Variants in KIF19 observed in about 807,000 individuals in gnomAD.
The protein encoded by KIF19 is kinesin-like protein KIF19.
In KIF19, 98 loss-of-function variants were observed where a neutral mutation model predicts 106.6. The ratio of observed to expected loss-of-function variants is 0.92; its 90% confidence interval spans 0.78 to 1.09. The LOEUF (loss-of-function observed/expected upper bound fraction) is 1.09, where lower values mean the gene tolerates loss of function less well. Among genes scored for constraint, KIF19 ranks in the 50% least tolerant of loss-of-function variants. The pLI is 0.00. For missense variants in KIF19, 1,373 were observed against 1,414.3 expected, an observed-to-expected ratio of 0.97 and a Z score of 0.47; for synonymous variants, 516 against 584.2, an observed-to-expected ratio of 0.88 and a Z score of 1.68.
At chr17:74,341,302 G>T (rs552571704) in intron 2 of KIF19, among the ~76,000 whole-genome samples, 1 of 152,306 alleles carries the variant, frequency 6.6e-6, no homozygotes, top group South Asian at 2.1e-4. Context: ...TGGGCAACGA[G>T]CAAGACTCCG....
intron 16 of KIF19, 35 bp from the exon 17 acceptor site, chr17:74,353,459 A>G: frequency 1.3e-6 from 2 of 1,593,568 alleles, no homozygotes; most frequent in Non-Finnish European, 1.7e-6. Flanking sequence ...TGCTGTGTTT[A>G]AGGGTTTCCT....
chr17:74,341,625 C>G (rs1006306588), intron 2 of KIF19, among the ~76,000 whole-genome samples: 4 of 152,192 alleles, frequency 2.6e-5, no homozygotes, highest in African/African-American at 9.6e-5. Flanking sequence ...CATGGGAAAG[C>G]TGAAGAGGAC....
At chr17:74,341,056 C>A (rs541217158) in intron 2 of KIF19, among the ~76,000 whole-genome samples, 1 of 152,112 alleles carries the variant, frequency 6.6e-6, no homozygotes, top group Non-Finnish European at 1.5e-5. Flanking sequence ...TGTGTGAGGC[C>A]GGGTGTGGTG....
rs1417400134 is a variant in KIF19, at chr17:74,347,942, C to G, written c.1047+43C>G. The G allele has an allele frequency of 3.2e-6, 5 of 1,551,988 alleles. No homozygotes were observed. In the African/African-American group the frequency reaches 6.8e-5, roughly 21 times the overall value. On this transcript the variant is annotated intron_variant, in intron 9 of 19. Coordinates refer to ENST00000389916, the MANE Select transcript of KIF19 (RefSeq NM_153209.4). ...GTCCACCAGGACACACCTTCCTGGGCTGAGATTCAAGCCCCCGGGCTGATC... is the reference window on the plus strand; with the variant it reads ...GTCCACCAGGACACACCTTCCTGGGGTGAGATTCAAGCCCCCGGGCTGATC...
intron 12 of KIF19, 165 bp downstream of exon 12, chr17:74,351,070 C>G (rs974390966): frequency 3.0e-6 from 2 of 667,478 alleles, no homozygotes; most frequent in Non-Finnish European, 2.7e-6. Flanking sequence ...CTATGCGTCA[C>G]ATTCCCCACC....
chr17:74,352,494 C>T (rs1379234362), intron 14 of KIF19, among the ~76,000 whole-genome samples, 154 bp downstream of exon 14: 1 of 152,200 alleles, frequency 6.6e-6, no homozygotes, highest in Non-Finnish European at 1.5e-5. Context: ...CCACCCAAAG[C>T]CTTGTCAAGC....
At chr17:74,339,511 C>A (rs906044176) in intron 2 of KIF19, among the ~76,000 whole-genome samples, 1 of 150,066 alleles carries the variant, frequency 6.7e-6, no homozygotes, top group Non-Finnish European at 1.5e-5. Context: ...CTCCCTCGCC[C>A]CCTTCCCTCC....
rs1567928039 is a variant in KIF19 at position 74,355,558 on chromosome 17, C to G, written c.*246C>G. On this transcript the variant is annotated 3_prime_UTR_variant, in exon 20 of 20. Transcript: ENST00000389916. ...CGGCTGGGCTCCCTGGCTTCCCAGC[C>G]CTGGACAGAATGCTGTTGCCAAAAC... is the stretch of plus-strand genomic sequence containing the variant. The G allele has an allele frequency of 2.3e-6, 1 of 443,400 alleles. No individual in the cohort carries two copies. Among genetic ancestry groups the G allele is most frequent in the Admixed American group, 3.9e-5 (1 of 25,794 alleles). The allele number at this position is 443,400 out of a possible 1,614,324, so 27.5% of individuals were successfully genotyped here. A position where few individuals can be genotyped will look rare whatever the true frequency, so the allele number is the denominator to read the frequency against.
In KIF19 at chr17:74,355,457, TG is replaced by T; in HGVS notation, c.*149del. 1 of 1,060,870 alleles carries T rather than the reference TG, an allele frequency of 9.4e-7. No homozygotes were observed. The highest frequency in any genetic ancestry group is 1.3e-6 in the Non-Finnish European group (1 of 765,422). The allele number at this position is 1,060,870 out of a possible 1,614,324, so 65.7% of individuals were successfully genotyped here. On this transcript the variant is annotated 3_prime_UTR_variant, in exon 20 of 20. Coordinates refer to ENST00000389916, the MANE Select transcript of KIF19 (RefSeq NM_153209.4). Reference sequence around the variant, plus strand: ...GCCAGGGCTCCTGAGACCCAGGAACTGGGGTCTCTGCCCAACCCTCCCATGC... The same window carrying T: ...GCCAGGGCTCCTGAGACCCAGGAACTGGGTCTCTGCCCAACCCTCCCATGC...
rs1256440192 is a variant in KIF19, at chr17:74,353,235, G to A, written c.2154G>A (p.Trp718Ter). ...TGTTCAAGGCTGGTACTGGGGCCTG[G>A]CAGGCAAAAAGCTCCTCTGTGCCCA... ...HHVFKAGTGA[W>*]QAKSSSVPTP... The change falls in exon 16 of 20, where the codon TGG (tryptophan) becomes TGA (stop). Residue 718 changes from tryptophan (W) to a stop codon, truncating the protein, a stop_gained. Coordinates refer to ENST00000389916, the MANE Select transcript of KIF19 (RefSeq NM_153209.4). LOFTEE classifies it high-confidence loss of function. The A allele has an allele frequency of 6.3e-7, 1 of 1,588,738 alleles. No homozygotes were observed. Among genetic ancestry groups the A allele is most frequent in the African/African-American group, 1.3e-5 (1 of 74,452 alleles).
Position 74,328,510 on chromosome 17 carries a change from G to GA in KIF19, c.120+5_120+6insA. On this transcript the variant is annotated splice_donor_region_variant and intron_variant, in intron 2 of 19. Coordinates refer to ENST00000389916, the MANE Select transcript of KIF19 (RefSeq NM_153209.4). ...GCCCATAAAGTGGATGAGCAGGTAT[G>GA]CAGGGCTCTGCAGCAGGAGCTGCAG... is the stretch of plus-strand genomic sequence containing the variant. 6.2e-7 allele frequency: 1 copy of GA among 1,601,140 alleles called. No individual in the cohort carries two copies. The highest frequency in any genetic ancestry group is 1.1e-5 in the South Asian group (1 of 88,440).
chr17:74,349,591 G>T (rs1285849494), intron 10 of KIF19, among the ~76,000 whole-genome samples: 1 of 152,238 alleles, frequency 6.6e-6, no homozygotes, highest in African/African-American at 2.4e-5. Flanking sequence ...GAGTAGGTGG[G>T]ATCCCACGAG....
At chr17:74,334,817 G>T (rs8078532) in intron 2 of KIF19, among the ~76,000 whole-genome samples, 84,030 of 152,112 alleles carry the variant, frequency 0.55, 23,679 homozygotes, top group East Asian at 0.65. Flanking sequence ...TTGTGGTTTA[G>T]TTTTACCTGT....
intron 8 of KIF19, among the ~76,000 whole-genome samples, chr17:74,347,091 C>T (rs9783807): frequency 0.1 from 15,684 of 152,244 alleles, 920 homozygotes; most frequent in Admixed American, 0.13. Context: ...CCTAAGGGCT[C>T]ACACTAGTAA....
Position 74,353,213 on chromosome 17 carries a change from T to A in KIF19, c.2132T>A (p.Phe711Tyr), listed in dbSNP as rs370673714. 58 of 1,587,332 alleles carry A rather than the reference T, an allele frequency of 3.7e-5. 1 individual carries two copies. Among genetic ancestry groups the A allele is most frequent in the Non-Finnish European group, 4.7e-5 (55 of 1,167,220 alleles). The change falls in exon 16 of 20, where the codon TTC becomes TAC. Residue 711 changes from phenylalanine (F) to tyrosine (Y), a missense_variant. Around this residue, in one of 3 missense-constraint regions of KIF19, gnomAD observed 1,020 missense variants for 1,008.2 expected, o/e 1.01. Transcript: ENST00000389916. ...AACTTCAGTGAAGGCCACCACGTGTTCAAGGCTGGTACTGGGGCCTGGCAG... is the reference window on the plus strand; with the variant it reads ...AACTTCAGTGAAGGCCACCACGTGTACAAGGCTGGTACTGGGGCCTGGCAG... ...LSTESEGHHV[F>Y]KAGTGAWQAK...
At chr17:74,330,527 C>T (rs1377789918) in intron 2 of KIF19, among the ~76,000 whole-genome samples, 1 of 152,184 alleles carries the variant, frequency 6.6e-6, no homozygotes, top group Non-Finnish European at 1.5e-5. Context: ...CAACTTGTCC[C>T]GAAGACATCA....
chr17:74,346,641 A>G lies in KIF19; in HGVS notation c.924+117A>G, dbSNP rs1598390791. The stretch of plus-strand genomic sequence containing the variant: ...AACCTCAGGATACACAGCAAAATTT[A>G]TTTTAGCGTAAATATGTCCCATGAA... On this transcript the variant is annotated intron_variant, in intron 8 of 19. Transcript: ENST00000389916. The surrounding 1 kb of genome is among the most constrained non-coding windows in gnomAD (Gnocchi z 4.6). 1 of 913,650 alleles carries G rather than the reference A, an allele frequency of 1.1e-6. No homozygotes were observed. Among genetic ancestry groups the G allele is most frequent in the East Asian group, 2.7e-5 (1 of 37,456 alleles). 56.6% of individuals were successfully genotyped at this position (913,650 alleles called of 1,614,324 possible).
At chr17:74,355,117 G>A (rs1479930705) in intron 19 of KIF19, 65 bp from the exon 20 acceptor site, 2 of 1,552,038 alleles carry the variant, frequency 1.3e-6, no homozygotes, top group African/African-American at 2.7e-5. Context: ...AAGGCCACTG[G>A]GTGATGGGAG....
At chr17:74,353,127 TG>T in intron 15 of KIF19, 68 bp from the exon 16 acceptor site, 1 of 1,443,030 alleles carries the variant, frequency 6.9e-7, no homozygotes, top group Non-Finnish European at 9.6e-7. Context: ...GCTTCTCCCC[TG>T]GGGTGGGGGT....
Sources: allele counts gnomAD v4.1 joint callset (sites outside exome capture counted in the v4.1 genomes callset), GRCh38; gene constraint gnomAD v4.1.1; regional missense constraint gnomAD v4.1.1; non-coding constraint Gnocchi (gnomAD v3.1); transcripts MANE v1.5; gene names NCBI Gene and HGNC (gene_info 2026-07-23, HGNC 2026-07-21).